The following PPFIA2 variants were observed in gnomAD, a reference collection of about 807,000 sequenced individuals.
The protein encoded by PPFIA2 is PPFI scaffold protein A2.
PPFIA2 carries 46 observed loss-of-function variants against 175.5 expected under a neutral mutation model. The ratio of observed to expected loss-of-function variants is 0.26; its 90% CI spans 0.21 to 0.34. The LOEUF (loss-of-function observed/expected upper bound fraction) is 0.34, where lower values mean the gene tolerates loss of function less well. Ranked by LOEUF, PPFIA2 falls within the 10% of genes least tolerant of loss-of-function variation. The pLI is 1.00. For synonymous variants in PPFIA2, 568 were observed against 511.4 expected, an observed-to-expected ratio of 1.11 and a Z score of -1.49; for missense variants, 1,179 against 1,506.1, an observed-to-expected ratio of 0.78 and a Z score of 3.60.
At chr12:81,561,457 TTAA>T in intron 4 of PPFIA2, among the ~76,000 whole-genome samples, 1 of 152,210 alleles carries the variant, frequency 6.6e-6, no homozygotes, top group African/African-American at 2.4e-5. Context: ...CAGTAATGAA[TTAA>T]TGAGGTAAGT....
At chr12:81,366,205 AAAAATAAGAT>A (rs2033372692) in intron 14 of PPFIA2, among the ~76,000 whole-genome samples, 1 of 151,592 alleles carries the variant, frequency 6.6e-6, no homozygotes, top group Admixed American at 6.6e-5. Context: ...TCTTCTTTAA[AAAAATAAGAT>A]AAAATTGCTA....
intron 4 of PPFIA2, among the ~76,000 whole-genome samples, chr12:81,643,183 A>G (rs2153520755): frequency 6.6e-6 from 1 of 151,612 alleles, no homozygotes; most frequent in African/African-American, 2.4e-5. Flanking sequence ...CTATCATTCA[A>G]CACTCAATTC....
intron 4 of PPFIA2, among the ~76,000 whole-genome samples, chr12:81,544,676 AC>A (rs2066723246): frequency 6.6e-6 from 1 of 152,150 alleles, no homozygotes; most frequent in Non-Finnish European, 1.5e-5. Flanking sequence ...CTATTAAAAG[AC>A]CACTGTTGAA....
chr12:81,341,544 G>A (rs551640980), intron 19 of PPFIA2, among the ~76,000 whole-genome samples: 18 of 152,178 alleles, frequency 1.2e-4, no homozygotes, highest in Middle Eastern at 3.4e-3. Flanking sequence ...ACACGAATTC[G>A]TAAACTGTCT....
intron 4 of PPFIA2, among the ~76,000 whole-genome samples, chr12:81,478,622 G>A (rs1342219726): frequency 6.6e-6 from 1 of 152,062 alleles, no homozygotes; most frequent in Non-Finnish European, 1.5e-5. Flanking sequence ...TTGTGTCTTT[G>A]TTCTTATTGG....
At chr12:81,531,084 T>G (rs1199344324) in intron 4 of PPFIA2, among the ~76,000 whole-genome samples, 2 of 151,946 alleles carry the variant, frequency 1.3e-5, no homozygotes, top group African/African-American at 2.4e-5. Flanking sequence ...GCAGGAAGTT[T>G]CAATTCTTTG....
At chr12:81,388,745 A>G (rs1259690968) in intron 8 of PPFIA2, among the ~76,000 whole-genome samples, 1 of 152,114 alleles carries the variant, frequency 6.6e-6, no homozygotes, top group Non-Finnish European at 1.5e-5. Flanking sequence ...TTAAGATTCT[A>G]GAGCTCTGAA....
intron 21 of PPFIA2, among the ~76,000 whole-genome samples, chr12:81,333,897 G>A (rs879604020): frequency 6.6e-6 from 1 of 152,098 alleles, no homozygotes; most frequent in Non-Finnish European, 1.5e-5. Context: ...CCCAGGTGAC[G>A]TTACTCCACT....
rs2084287988 is a variant in PPFIA2 at position 81,754,241 on chromosome 12, G to A, written c.-2-18C>T. ...CATCATTGCTTAAAGAAAGTAAGTG[G>A]GAAGGAGTCTTAGTAAAGAAATGAT... On this transcript the variant is annotated intron_variant, in intron 2 of 32. Transcript: ENST00000549396. 6.3e-7 allele frequency: 1 copy of A among 1,575,344 alleles called. No homozygotes were observed. Among genetic ancestry groups the A allele is most frequent in the Admixed American group, 1.8e-5 (1 of 54,874 alleles).
chr12:81,375,966 A>G, intron 9 of PPFIA2, 24 bp from the exon 10 acceptor site: 1 of 1,590,382 alleles, frequency 6.3e-7, no homozygotes, highest in Non-Finnish European at 8.6e-7. Flanking sequence ...AATTTAGAAA[A>G]AGCAAATCAG....
At chr12:81,392,058 C>T (rs1427293708) in intron 8 of PPFIA2, among the ~76,000 whole-genome samples, 1 of 151,768 alleles carries the variant, frequency 6.6e-6, no homozygotes, top group African/African-American at 2.4e-5. Flanking sequence ...CGATGGATTC[C>T]TCAGTCCTCT....
Position 81,325,779 on chromosome 12 carries a change from T to C in PPFIA2, c.2640A>G (p.Lys880=). The C allele has an allele frequency of 6.2e-7, 1 of 1,610,586 alleles. No individual in the cohort carries two copies. Residue 880 remains lysine (K), a splice_region_variant and synonymous_variant, in exon 22 of 33, where the codon AAA becomes AAG. Transcript: ENST00000549396. The part of the protein sequence containing the change: ...TQAEKDRRLK[K]KHELLEEARR... ...GAGGGAAAAATCCCCAAACCTACTT[T>C]TTCTTTAGTCTTCGATCCTTCTCAG...
intron 4 of PPFIA2, among the ~76,000 whole-genome samples, chr12:81,529,783 C>T (rs2064256255): frequency 6.6e-6 from 1 of 151,708 alleles, no homozygotes; most frequent in Non-Finnish European, 1.5e-5. Context: ...TTTAAATTGT[C>T]CAGTTGGAGG....
At chr12:81,513,393 C>T (rs1302106672) in intron 4 of PPFIA2, among the ~76,000 whole-genome samples, 2 of 151,978 alleles carry the variant, frequency 1.3e-5, no homozygotes, top group African/African-American at 2.4e-5. Context: ...AGCAACCCCA[C>T]TACTGGGTAT....
At chr12:81,535,046 G>A (rs976568938) in intron 4 of PPFIA2, among the ~76,000 whole-genome samples, 1 of 151,694 alleles carries the variant, frequency 6.6e-6, no homozygotes, top group Non-Finnish European at 1.5e-5. Context: ...TTTCAAATAT[G>A]TGAACAATAA....
rs1004261230 is a variant in PPFIA2 at position 81,259,292 on chromosome 12, T to TA, written c.*401dup. 2.7e-5 allele frequency: 10 copies of TA among 372,312 alleles called. No homozygotes were observed. The highest frequency in any genetic ancestry group is 4.6e-5 in the Non-Finnish European group (9 of 197,742). 23.1% of individuals were successfully genotyped at this position (372,312 alleles called of 1,614,324 possible). On this transcript the variant is annotated 3_prime_UTR_variant, in exon 33 of 33. Coordinates refer to ENST00000549396, the MANE Select transcript of PPFIA2 (RefSeq NM_003625.5). Reference sequence around the variant, plus strand: ...TCCATGAACCATATATTTTATTTTTTAAAAAATCATATTTATATCCATTTA... The same window carrying TA: ...TCCATGAACCATATATTTTATTTTTTAAAAAAATCATATTTATATCCATTTA...
chr12:81,449,667 C>T (rs891893898), intron 5 of PPFIA2, among the ~76,000 whole-genome samples: 15 of 151,974 alleles, frequency 9.9e-5, no homozygotes, highest in African/African-American at 3.6e-4. Flanking sequence ...ACTGTAAGTT[C>T]TAGGGTACAT....
intron 4 of PPFIA2, among the ~76,000 whole-genome samples, chr12:81,586,207 A>C (rs2075286172): frequency 6.6e-6 from 1 of 151,990 alleles, no homozygotes; most frequent in Admixed American, 6.6e-5. Flanking sequence ...TCTTTTCTTC[A>C]CCAAAATAAT....
chr12:81,673,388 G>A (rs1040836183), intron 4 of PPFIA2, among the ~76,000 whole-genome samples: 1 of 152,048 alleles, frequency 6.6e-6, no homozygotes, highest in Non-Finnish European at 1.5e-5. Flanking sequence ...TGACAATGTG[G>A]GGCACTTTGA....
Sources: allele counts gnomAD v4.1 joint callset (sites outside exome capture counted in the v4.1 genomes callset), GRCh38; gene constraint gnomAD v4.1.1; transcripts MANE v1.5; gene names NCBI Gene and HGNC (gene_info 2026-07-23, HGNC 2026-07-21).